The following LETM1 variants were observed in gnomAD, a reference collection of about 807,000 sequenced individuals.
LETM1 encodes mitochondrial proton/calcium exchanger protein.
LETM1 carries 50 observed loss-of-function variants against 74.5 expected under a neutral mutation model. The ratio of observed to expected loss-of-function variants is 0.67; its 90% CI spans 0.53 to 0.85. The LOEUF (loss-of-function observed/expected upper bound fraction) is 0.85. Among genes scored for constraint, LETM1 ranks in the 40% least tolerant of loss-of-function variants. The pLI, the probability that LETM1 is intolerant of heterozygous loss-of-function variation, is 0.00. For missense variants in LETM1, 824 were observed against 967.8 expected (o/e 0.85, Z 1.97); for synonymous variants, 446 against 407.1 (o/e 1.10, Z -1.15).
chr4:1,837,153 G>C (rs1370769746), intron 3 of LETM1, among the ~76,000 whole-genome samples: 1 of 152,208 alleles, frequency 6.6e-6, no homozygotes, highest in Non-Finnish European at 1.5e-5. Flanking sequence ...AACAGCGCGG[G>C]TGATGCTGCC....
rs1403132522 is a variant in LETM1, at chr4:1,814,017, G to A, written c.*407C>T. On this transcript the variant is annotated 3_prime_UTR_variant, in exon 14 of 14. Transcript: ENST00000302787. ...AGGAGGCCAGGCTGTGTCTCCTGAC[G>A]CCCCTGAGGGTGGGCACAGCAGCCA... 1.8e-5 allele frequency: 4 copies of A among 217,830 alleles called. No homozygotes were observed. The highest frequency in any genetic ancestry group is 1.0e-4 in the East Asian group (1 of 9,816). 13.5% of individuals were successfully genotyped at this position (217,830 alleles called of 1,614,324 possible).
At position 1,834,797 on chromosome 4, in the gene LETM1, G is replaced by A. The variant is rs751383170; in HGVS notation, c.876+48C>T. The A allele has an allele frequency of 2.2e-5, 35 of 1,605,244 alleles. No individual in the cohort carries two copies. Among genetic ancestry groups the A allele is most frequent in the Non-Finnish European group, 3.0e-5 (35 of 1,173,894 alleles). On this transcript the variant is annotated intron_variant, in intron 5 of 13. Coordinates refer to ENST00000302787, the MANE Select transcript of LETM1 (RefSeq NM_012318.3). The surrounding 1 kb of genome is among the most constrained non-coding windows in gnomAD (Gnocchi z 5.0). ...ACAGCGAAAGGGAAACAGAAAATCA[G>A]GGAAGGCTCCCTGGTGAGGTCACAG...
At position 1,836,243 on chromosome 4, in the gene LETM1, T is replaced by C. The variant is rs1416253370; in HGVS notation, c.738+186A>G. ...AAAAATAAATAAATAAATAAATAAA[T>C]AACGAAATAAAGAGAAACAAATCCA... On this transcript the variant is annotated intron_variant, in intron 4 of 13. Coordinates refer to ENST00000302787, the MANE Select transcript of LETM1 (RefSeq NM_012318.3). The surrounding 1 kb of genome is among the most constrained non-coding windows in gnomAD (Gnocchi z 5.8). Among the ~76,000 whole-genome samples the C allele has an allele frequency of 6.6e-6, 1 of 151,698 alleles. No individual in the cohort carries two copies. The highest frequency in any genetic ancestry group is 2.4e-5 in the African/African-American group (1 of 41,250).
chr4:1,833,593 G>A (rs1193642758), intron 5 of LETM1: 1 of 157,368 alleles, frequency 6.4e-6, no homozygotes, highest in Non-Finnish European at 1.4e-5. Flanking sequence ...GGGGAGGGGT[G>A]GCCATCTAGC....
intron 2 of LETM1, among the ~76,000 whole-genome samples, chr4:1,842,647 G>A (rs1350788553): frequency 6.6e-6 from 1 of 152,144 alleles, no homozygotes; most frequent in Admixed American, 6.6e-5. Context: ...GAGCAGGCTC[G>A]AGGCCTCACA....
chr4:1,835,490 C>A (rs1240526276), intron 4 of LETM1, among the ~76,000 whole-genome samples: 4 of 145,678 alleles, frequency 2.7e-5, no homozygotes, highest in Non-Finnish European at 5.9e-5. Context: ...CAAACAAAAA[C>A]AAACAAACTC....
rs1231274543 is a variant in LETM1 at position 1,834,787 on chromosome 4, C to T, written c.876+58G>A. 1 of 1,602,134 alleles carries T rather than the reference C, an allele frequency of 6.2e-7. No individual in the cohort carries two copies. Among genetic ancestry groups the T allele is most frequent in the Non-Finnish European group, 8.5e-7 (1 of 1,172,342 alleles). ...TCTGCTGAGCACAGCGAAAGGGAAA[C>T]AGAAAATCAGGGAAGGCTCCCTGGT... On this transcript the variant is annotated intron_variant, in intron 5 of 13. Transcript: ENST00000302787. The surrounding 1 kb of genome is among the most constrained non-coding windows in gnomAD (Gnocchi z 5.0).
At chr4:1,826,405 C>T (rs1474744045) in intron 6 of LETM1, among the ~76,000 whole-genome samples, 2 of 152,242 alleles carry the variant, frequency 1.3e-5, no homozygotes, top group Non-Finnish European at 2.9e-5. Flanking sequence ...AGTAACAAAG[C>T]TCCCATGCAT....
intron 1 of LETM1, among the ~76,000 whole-genome samples, chr4:1,851,461 C>A (rs934871502): frequency 2.0e-5 from 3 of 152,190 alleles, no homozygotes; most frequent in Non-Finnish European, 4.4e-5. Flanking sequence ...TAACAGGAGG[C>A]AACTCTCCTG....
In LETM1 at chr4:1,822,915, TGG is replaced by T. The variant is rs1711836781; in HGVS notation, c.1476+71_1476+72del. 8 of 1,266,796 alleles carry T rather than the reference TGG, an allele frequency of 6.3e-6. No individual in the cohort carries two copies. The Middle Eastern group carries it at 1.7e-3, about 263-fold the overall frequency. 78.5% of individuals were successfully genotyped at this position (1,266,796 alleles called of 1,614,324 possible). On this transcript the variant is annotated intron_variant, in intron 9 of 13. Coordinates refer to ENST00000302787, the MANE Select transcript of LETM1 (RefSeq NM_012318.3). ...GCAAGCATGCGGGAGGCCAAGACTG[TGG>T]GCGTGCGGGGGTTTCTAGGGAGGCT...
In LETM1 at chr4:1,829,448, G is replaced by GCT. The variant is rs542989190; in HGVS notation, c.1080+3294_1080+3295dup. ...GTTCTTTTAACACTTGAAAAATAAT[G>GCT]CTCCACTTCCTCTGGTCTCCACAGT... On this transcript the variant is annotated intron_variant, in intron 6 of 13. Transcript: ENST00000302787. Among the ~76,000 whole-genome samples, 5 of 152,370 alleles carry GCT rather than the reference G, an allele frequency of 3.3e-5. No homozygotes were observed. The South Asian group carries it at 8.3e-4, about 25-fold the overall frequency.
At chr4:1,823,336 A>ATGTGGGAAGGAGCATAGGCGC in intron 8 of LETM1, among the ~76,000 whole-genome samples, 1 of 148,536 alleles carries the variant, frequency 6.7e-6, no homozygotes, top group East Asian at 2.0e-4. Context: ...GACTCCTGAC[A>ATGTGGGAAGGAGCATAGGCGC]TGTGGGAAGG....
At chr4:1,833,753 G>A (rs1337144377) in intron 5 of LETM1, 1 of 152,376 alleles carries the variant, frequency 6.6e-6, no homozygotes, top group Non-Finnish European at 1.5e-5. Flanking sequence ...TGACAGATGA[G>A]GGAGGACGAG....
chr4:1,845,372 G>A (rs1712845336), intron 2 of LETM1, among the ~76,000 whole-genome samples: 2 of 152,072 alleles, frequency 1.3e-5, no homozygotes, highest in Non-Finnish European at 2.9e-5. Context: ...TTGGGAGGCC[G>A]AGGTAGGTGG....
chr4:1,833,545 T>G (rs1484980629), intron 5 of LETM1: 1 of 160,138 alleles, frequency 6.2e-6, no homozygotes, highest in African/African-American at 2.4e-5. Context: ...TGCACCTGTG[T>G]GCACCTACAT....
rs1267987639 is a variant in LETM1, at chr4:1,814,398, G to T, written c.*26C>A. 1.9e-6 allele frequency: 3 copies of T among 1,614,094 alleles called. No individual in the cohort carries two copies. Among genetic ancestry groups the T allele is most frequent in the African/African-American group, 1.3e-5 (1 of 75,070 alleles). On this transcript the variant is annotated 3_prime_UTR_variant, in exon 14 of 14. Coordinates refer to ENST00000302787, the MANE Select transcript of LETM1 (RefSeq NM_012318.3). ...CCTTGCCAGGGTGACGGCACAGCAGGAGGACAGGTGCCCAGGCCAGTGGTT... is the reference window on the plus strand; with the variant it reads ...CCTTGCCAGGGTGACGGCACAGCAGTAGGACAGGTGCCCAGGCCAGTGGTT...
chr4:1,848,570 G>C (rs1240714537), intron 2 of LETM1, among the ~76,000 whole-genome samples: 2 of 148,376 alleles, frequency 1.3e-5, no homozygotes, highest in Non-Finnish European at 3.0e-5. Flanking sequence ...AAAAAAATTA[G>C]CCAGGCGCAG....
Position 1,834,309 on chromosome 4 carries a change from C to T in LETM1, c.876+536G>A. On this transcript the variant is annotated intron_variant, in intron 5 of 13. Coordinates refer to ENST00000302787, the MANE Select transcript of LETM1 (RefSeq NM_012318.3). This position sits in a 1 kb window ranked among gnomAD's most constrained non-coding sequence, Gnocchi z 5.0. ...AGCCAACAACACCGGCCTCGTGAAC[C>T]CCATCTAGTCCTCAGGGATCTCGGT... 2 of 838,958 alleles carry T rather than the reference C, an allele frequency of 2.4e-6. No individual in the cohort carries two copies. Among genetic ancestry groups the T allele is most frequent in the Non-Finnish European group, 2.9e-6 (2 of 695,696 alleles). 52.0% of individuals were successfully genotyped at this position (838,958 alleles called of 1,614,324 possible).
intron 6 of LETM1, among the ~76,000 whole-genome samples, chr4:1,829,540 A>C (rs1402289045): frequency 6.6e-6 from 1 of 152,260 alleles, no homozygotes; most frequent in Non-Finnish European, 1.5e-5. Flanking sequence ...CTTGGCCAGG[A>C]ACAGTGGCTC....
Sources: gnomAD v4.1 joint callset for allele counts (sites outside exome capture counted in the v4.1 genomes callset) on GRCh38, gnomAD v4.1.1 for gene constraint, Gnocchi (gnomAD v3.1) non-coding constraint, MANE v1.5 for transcripts, NCBI Gene and HGNC (gene_info 2026-07-23, HGNC 2026-07-21) for gene names.